Variants in RARS2 observed in about 807,000 individuals in gnomAD.
RARS2 encodes the protein arginyl-tRNA synthetase 2, mitochondrial.
RARS2 carries 67 observed loss-of-function variants against 88.5 expected under a neutral mutation model. That is an observed-to-expected ratio of 0.76 (90% CI 0.62 to 0.93). The LOEUF (loss-of-function observed/expected upper bound fraction) is 0.93. RARS2 is among the 40% of genes least tolerant of loss of function. The pLI is 0.00. For missense variants in RARS2, 664 were observed against 684.2 expected (o/e 0.97, Z 0.33); for synonymous variants, 239 against 230.3 (o/e 1.04, Z -0.34).
chr6:87,516,891 AC>A lies in RARS2; in HGVS notation c.1512-12del. 6.2e-7 allele frequency: 1 copy of A among 1,613,514 alleles called. No individual in the cohort carries two copies. Among genetic ancestry groups the A allele is most frequent in the Non-Finnish European group, 8.5e-7 (1 of 1,179,614 alleles). ...AGCACCTCGTCGAACCTAAAAGATGACAGGAACAGTGAACAGGAAAAGACTG... is the reference window on the plus strand; with the variant it reads ...AGCACCTCGTCGAACCTAAAAGATGAAGGAACAGTGAACAGGAAAAGACTG... On this transcript the variant is annotated splice_polypyrimidine_tract_variant and intron_variant, in intron 17 of 19. Transcript: ENST00000369536.
At chr6:87,526,201 C>A (rs1334371456) in intron 10 of RARS2, among the ~76,000 whole-genome samples, 1 of 151,912 alleles carries the variant, frequency 6.6e-6, no homozygotes, top group African/African-American at 2.4e-5. Context: ...CTCCAAATAC[C>A]CAAAGCAATA....
intron 1 of RARS2, among the ~76,000 whole-genome samples, chr6:87,582,059 G>C (rs878889713): frequency 2.0e-5 from 3 of 152,124 alleles, no homozygotes; most frequent in Non-Finnish European, 2.9e-5. Flanking sequence ...TAGTGCTGCA[G>C]TGAACATCCA....
chr6:87,555,085 T>A (rs915816815), intron 5 of RARS2, among the ~76,000 whole-genome samples: 1 of 147,474 alleles, frequency 6.8e-6, no homozygotes, highest in Non-Finnish European at 1.5e-5. Context: ...GGCGACAGAG[T>A]GAGACTCCGT....
chr6:87,579,504 T>C (rs1772710550), intron 1 of RARS2, among the ~76,000 whole-genome samples: 1 of 152,066 alleles, frequency 6.6e-6, no homozygotes, highest in South Asian at 2.1e-4. Flanking sequence ...GCTTAAGCAG[T>C]TTTAAATGCT....
At chr6:87,541,671 A>G (rs1346780487) in intron 8 of RARS2, among the ~76,000 whole-genome samples, 1 of 152,060 alleles carries the variant, frequency 6.6e-6, no homozygotes, top group Non-Finnish European at 1.5e-5. Flanking sequence ...TAAAAATACA[A>G]AAATTAGCTG....
chr6:87,533,195 T>C (rs1778074209), intron 8 of RARS2, among the ~76,000 whole-genome samples: 1 of 152,170 alleles, frequency 6.6e-6, no homozygotes, highest in South Asian at 2.1e-4. Context: ...TAAAAATCTA[T>C]TATGCATTAT....
chr6:87,534,533 T>G (rs1199799110), intron 8 of RARS2, among the ~76,000 whole-genome samples: 1 of 152,204 alleles, frequency 6.6e-6, no homozygotes, highest in Non-Finnish European at 1.5e-5. Context: ...TGTCAGATAT[T>G]TACTCAGCTA....
At chr6:87,559,362 G>A (rs1787056728) in intron 4 of RARS2, among the ~76,000 whole-genome samples, 1 of 151,392 alleles carries the variant, frequency 6.6e-6, no homozygotes. Flanking sequence ...AGCTACTTGG[G>A]AGGCTGAGGC....
chr6:87,529,580 T>C lies in RARS2; in HGVS notation c.840A>G (p.Leu280=). ...SFYREKSQEV[L]KLLESKGLLL... ...GGAGTCCTTTACTCTCCAGCAACTT[T>C]AAGACCTCTTGAGATTTTTCACGAT... The change falls in exon 10 of 20, where the codon TTA becomes TTG. Residue 280 remains leucine (L), a synonymous_variant. Coordinates refer to ENST00000369536, the MANE Select transcript of RARS2 (RefSeq NM_020320.5). The C allele has an allele frequency of 6.2e-7, 1 of 1,607,726 alleles. No homozygotes were observed. Among genetic ancestry groups the C allele is most frequent in the South Asian group, 1.1e-5 (1 of 90,948 alleles).
chr6:87,518,090 A>C (rs1466792159), intron 17 of RARS2, 79 bp downstream of exon 17: 1 of 1,612,592 alleles, frequency 6.2e-7, no homozygotes, highest in East Asian at 2.2e-5. Flanking sequence ...TGGACTGTTG[A>C]CTCTACTGGG....
At chr6:87,534,076 GAAC>G (rs1316906394) in intron 8 of RARS2, among the ~76,000 whole-genome samples, 4 of 148,688 alleles carry the variant, frequency 2.7e-5, no homozygotes, top group Admixed American at 2.0e-4. Flanking sequence ...ATTATAATTT[GAAC>G]AACTTCATTA....
chr6:87,582,629 G>C (rs775512299), intron 1 of RARS2, among the ~76,000 whole-genome samples: 1 of 152,184 alleles, frequency 6.6e-6, no homozygotes, highest in Non-Finnish European at 1.5e-5. Flanking sequence ...ATGCTGGTGG[G>C]TCTGTGAGAA....
At position 87,514,311 on chromosome 6, in the gene RARS2, CAAAAAAAAA is replaced by C; in HGVS notation, c.*93_*101del. On this transcript the variant is annotated 3_prime_UTR_variant, in exon 20 of 20. Coordinates refer to ENST00000369536, the MANE Select transcript of RARS2 (RefSeq NM_020320.5). ...GGGCAACAAGAGCGAAACTCCATCTCAAAAAAAAAAAAAAAAAATTTAAATTTATTCTGA... is the reference window on the plus strand; with the variant it reads ...GGGCAACAAGAGCGAAACTCCATCTCAAAAAAAAATTTAAATTTATTCTGA... 2 of 573,980 alleles carry C rather than the reference CAAAAAAAAA, an allele frequency of 3.5e-6. No homozygotes were observed. The highest frequency in any genetic ancestry group is 5.7e-6 in the Non-Finnish European group (2 of 352,646). The allele number at this position is 573,980 out of a possible 1,614,324, so 35.6% of individuals were successfully genotyped here. A position where few individuals can be genotyped will look rare whatever the true frequency, so the allele number is the denominator to read the frequency against.
intron 6 of RARS2, among the ~76,000 whole-genome samples, chr6:87,546,524 G>A (rs751409962): frequency 2.0e-5 from 3 of 152,172 alleles, no homozygotes; most frequent in Non-Finnish European, 2.9e-5. Flanking sequence ...AATTCTAGAT[G>A]GCATGGCAGG....
At chr6:87,577,043 A>G (rs914548533) in intron 1 of RARS2, among the ~76,000 whole-genome samples, 1 of 152,254 alleles carries the variant, frequency 6.6e-6, no homozygotes, top group Non-Finnish European at 1.5e-5. Context: ...ATTTGAATTA[A>G]TTGACAACAC....
At position 87,555,496 on chromosome 6, in the gene RARS2, G is replaced by C. The variant is rs1282745457; in HGVS notation, c.307C>G (p.Gln103Glu). The change falls in exon 5 of 20, where the codon CAA becomes GAA. Residue 103 changes from glutamine (Q) to glutamate (E), a missense_variant. Physicochemically the swap from Gln to Glu is conservative, Grantham distance 29. Transcript: ENST00000369536. ...TTTGAGCCATCTTCAATTACTTGTTGTAGCACTGTCTGAAAATTAAAGGAC... is the reference window on the plus strand; with the variant it reads ...TTTGAGCCATCTTCAATTACTTGTTCTAGCACTGTCTGAAAATTAAAGGAC... ...NRELLTKTVL[Q>E]QVIEDGSKYG... 1 of 1,611,212 alleles carries C rather than the reference G, an allele frequency of 6.2e-7. No homozygotes were observed. Among genetic ancestry groups the C allele is most frequent in the Non-Finnish European group, 8.5e-7 (1 of 1,177,506 alleles).
chr6:87,514,896 G>T, intron 19 of RARS2, 61 bp downstream of exon 19: 3 of 1,369,140 alleles, frequency 2.2e-6, no homozygotes, highest in South Asian at 2.3e-5. Flanking sequence ...TTACAAGACT[G>T]ACTTAGTAAT....
intron 17 of RARS2, among the ~76,000 whole-genome samples, chr6:87,517,105 C>G (rs1174242666): frequency 2.0e-5 from 3 of 152,104 alleles, no homozygotes; most frequent in Non-Finnish European, 4.4e-5. Flanking sequence ...GATGAAACCC[C>G]ATTCTCTACT....
chr6:87,539,666 C>T (rs1780294915), intron 8 of RARS2, among the ~76,000 whole-genome samples: 1 of 152,188 alleles, frequency 6.6e-6, no homozygotes, highest in African/African-American at 2.4e-5. Context: ...AAACCAGACA[C>T]AGCAGTAAGG....
Sources: allele counts gnomAD v4.1 joint callset (sites outside exome capture counted in the v4.1 genomes callset), GRCh38; gene constraint gnomAD v4.1.1; transcripts MANE v1.5; gene names NCBI Gene and HGNC (gene_info 2026-07-23, HGNC 2026-07-21).